The following SLC67A1 variants were observed in gnomAD, a reference collection of about 807,000 sequenced individuals.
SLC67A1 encodes solute carrier family 67 member 1.
chr11:2,906,174 C>T, the SLC67A1 span, among the ~76,000 whole-genome samples: 2 of 152,206 alleles, frequency 1.3e-5, no homozygotes, highest in Non-Finnish European at 2.9e-5. Flanking sequence ...AATGAGATAC[C>T]ATCTCACACC....
chr11:2,900,576 C>T, the SLC67A1 span, among the ~76,000 whole-genome samples: 1 of 151,158 alleles, frequency 6.6e-6, no homozygotes, highest in Admixed American at 6.7e-5. Context: ...GCCTGTAGTC[C>T]CAGCTACTCG....
chr11:2,921,361 A>T, the SLC67A1 span: 2 of 151,904 alleles, frequency 1.3e-5, no homozygotes, highest in African/African-American at 4.8e-5. Context: ...GGAATTTGGG[A>T]GGGTGACTGG....
the SLC67A1 span, among the ~76,000 whole-genome samples, chr11:2,900,937 G>T: frequency 1.3e-5 from 2 of 152,144 alleles, no homozygotes; most frequent in African/African-American, 4.8e-5. Flanking sequence ...ATGCCCTACA[G>T]TCAAACAAGA....
At chr11:2,925,002 C>A in the SLC67A1 span, 2 of 1,598,454 alleles carry the variant, frequency 1.3e-6, no homozygotes, top group South Asian at 1.1e-5. The surrounding 1 kb of genome is among the most constrained non-coding windows in gnomAD (Gnocchi z 6.5). Context: ...CCCCCATGCA[C>A]CCCCCAGGGA....
the SLC67A1 span, among the ~76,000 whole-genome samples, chr11:2,912,141 C>T: frequency 2.0e-5 from 3 of 152,234 alleles, no homozygotes; most frequent in South Asian, 2.1e-4. Flanking sequence ...ACCCAAGACA[C>T]GGGGTGCTGC....
At chr11:2,904,241 G>A in the SLC67A1 span, among the ~76,000 whole-genome samples, 25 of 152,298 alleles carry the variant, frequency 1.6e-4, no homozygotes, top group Admixed American at 1.0e-3. Context: ...TGGGAAGCCC[G>A]GCGTGCGTGG....
chr11:2,908,388 C>T, the SLC67A1 span: 43 of 1,331,248 alleles, frequency 3.2e-5, no homozygotes, highest in South Asian at 6.5e-5. Flanking sequence ...CCCTCTCAGA[C>T]GCCATGGGCT....
the SLC67A1 span, chr11:2,917,926 CG>C: frequency 1.5e-6 from 2 of 1,344,894 alleles, no homozygotes; most frequent in Non-Finnish European, 2.0e-6. Flanking sequence ...GGCCTGCAGC[CG>C]GGCGAGGGGT....
At chr11:2,922,085 T>A in the SLC67A1 span, 1 of 1,599,854 alleles carries the variant, frequency 6.3e-7, no homozygotes, top group Non-Finnish European at 8.6e-7. Context: ...ACTTCTACCC[T>A]CTCTGTCTGG....
chr11:2,901,419 T>C, the SLC67A1 span, among the ~76,000 whole-genome samples: 1,474 of 152,356 alleles, frequency 9.7e-3, 23 homozygotes, highest in African/African-American at 0.033. Context: ...GATTGACACA[T>C]GGCAGGGGGA....
chr11:2,912,925 T>G, the SLC67A1 span, among the ~76,000 whole-genome samples: 2 of 152,012 alleles, frequency 1.3e-5, no homozygotes, highest in Admixed American at 6.5e-5. Flanking sequence ...CAGGGCCCTG[T>G]GGGCAGGACA....
At chr11:2,909,550 C>T in the SLC67A1 span, 1 of 1,516,354 alleles carries the variant, frequency 6.6e-7, no homozygotes, top group Non-Finnish European at 8.8e-7. Flanking sequence ...GGGGCTTTCG[C>T]CGCTCAGCTC....
chr11:2,903,574 G>T, the SLC67A1 span: 4 of 1,478,468 alleles, frequency 2.7e-6, no homozygotes, highest in Non-Finnish European at 3.7e-6. Flanking sequence ...GTCGCAGAGA[G>T]TGGGGGTGGG....
At chr11:2,917,702 G>C in the SLC67A1 span, among the ~76,000 whole-genome samples, 4 of 152,236 alleles carry the variant, frequency 2.6e-5, no homozygotes, top group Admixed American at 6.5e-5. Flanking sequence ...GCATGCCCAG[G>C]TTGAGGCCAG....
At chr11:2,900,510 G>A in the SLC67A1 span, among the ~76,000 whole-genome samples, 11 of 151,866 alleles carry the variant, frequency 7.2e-5, no homozygotes, top group Middle Eastern at 3.4e-3. Flanking sequence ...TGGCTAACAC[G>A]GTGAAACTCC....
the SLC67A1 span, chr11:2,921,931 G>A: frequency 1.7e-4 from 108 of 650,670 alleles, no homozygotes; most frequent in South Asian, 6.4e-4. Flanking sequence ...CACTGCTGGC[G>A]GAGTAGGGAG....
chr11:2,908,318 C>T, the SLC67A1 span: 7 of 1,612,924 alleles, frequency 4.3e-6, no homozygotes, highest in East Asian at 4.5e-5. Context: ...CTGGGCGGGC[C>T]GGTATTTGGC....
At chr11:2,901,766 G>T in the SLC67A1 span, among the ~76,000 whole-genome samples, 1 of 152,182 alleles carries the variant, frequency 6.6e-6, no homozygotes, top group Non-Finnish European at 1.5e-5. Flanking sequence ...GTGAGGAGGG[G>T]CCCAGAGCTG....
chr11:2,908,768 A>T, the SLC67A1 span, among the ~76,000 whole-genome samples: 4 of 152,204 alleles, frequency 2.6e-5, no homozygotes, highest in South Asian at 2.1e-4. Flanking sequence ...AGCAACCCGT[A>T]GGCAGAAATG....
Sources: gnomAD v4.1 joint callset for allele counts (sites outside exome capture counted in the v4.1 genomes callset) on GRCh38, gnomAD v4.1.1 for gene constraint, Gnocchi (gnomAD v3.1) non-coding constraint, MANE v1.5 for transcripts, NCBI Gene and HGNC (gene_info 2026-07-23, HGNC 2026-07-21) for gene names.